The following DNAH11 variants were observed in gnomAD, a reference collection of about 807,000 sequenced individuals.
The protein encoded by DNAH11 is axonemal beta dynein heavy chain 11.
A neutral mutation model predicts 526.0 loss-of-function variants in DNAH11; 442 were observed. The observed-to-expected ratio is 0.84, with a 90% CI of 0.78 to 0.91. The LOEUF is 0.91. Among genes scored for constraint, DNAH11 ranks in the 40% least tolerant of loss-of-function variants. The pLI is 0.00. For synonymous variants in DNAH11, 2,461 were observed against 1,935.9 expected, an observed-to-expected ratio of 1.27 and a Z score of -7.12; for missense variants, 6,989 against 5,448.7, an observed-to-expected ratio of 1.28 and a Z score of -8.90.
chr7:21,720,676 C>A lies in DNAH11; in HGVS notation c.7135-49C>A, dbSNP rs915802465. Reference sequence around the variant, plus strand: ...AGTTGTAAAAATATTCTTTGAACTTCACTATTTTAAAAAAATGTTGCCTTA... The same window carrying A: ...AGTTGTAAAAATATTCTTTGAACTTAACTATTTTAAAAAAATGTTGCCTTA... On this transcript the variant is annotated intron_variant, in intron 43 of 81. Transcript: ENST00000409508. 4.6e-6 allele frequency: 7 copies of A among 1,508,746 alleles called. No individual in the cohort carries two copies. In the African/African-American group the frequency reaches 9.9e-5, roughly 21 times the overall value. The allele number at this position is 1,508,746 out of a possible 1,614,324, so 93.5% of individuals were successfully genotyped here.
rs1788247631 is a variant in DNAH11, at chr7:21,787,583, G to C, written c.9924G>C (p.Glu3308Asp). 1 of 1,605,904 alleles carries C rather than the reference G, an allele frequency of 6.2e-7. No homozygotes were observed. Among genetic ancestry groups the C allele is most frequent in the Non-Finnish European group, 8.5e-7 (1 of 1,176,116 alleles). ...AWVINIIKFY[E>D]VYCDVEPKRQ... ...TCATCAACATCATTAAATTCTATGA[G>C]GTATCAATCCTAAATTGATTGTTTA... The change falls in exon 60 of 82, where the codon GAG becomes GAC. Residue 3308 changes from glutamate to aspartate, a missense_variant and splice_region_variant. By Grantham distance (45) the Glu-to-Asp change is conservative. Coordinates refer to ENST00000409508, the MANE Select transcript of DNAH11 (RefSeq NM_001277115.2).
rs1783373676 is a variant in DNAH11, at chr7:21,559,660, G to C, written c.750G>C (p.Trp250Cys). Residue 250 changes from tryptophan (W) to cysteine (C), a missense_variant, in exon 4 of 82, where the codon TGG becomes TGC. Transcript: ENST00000409508. ...CAATTGAATCTGTGGTTATTGAATG[G>C]TCACATCAAATCCAAGAAATTATAG... Reference protein sequence around the residue: ...LHAIESVVIEWSHQIQEIIER... With the variant: ...LHAIESVVIECSHQIQEIIER... 2 of 1,611,996 alleles carry C rather than the reference G, an allele frequency of 1.2e-6. No individual in the cohort carries two copies. The highest frequency in any genetic ancestry group is 1.7e-6 in the Non-Finnish European group (2 of 1,179,160).
chr7:21,797,204 A>G (rs1460903935), intron 61 of DNAH11, among the ~76,000 whole-genome samples: 1 of 152,072 alleles, frequency 6.6e-6, no homozygotes, highest in East Asian at 1.9e-4. Context: ...TGATGATTAT[A>G]TATTTGCTTT....
Position 21,724,921 on chromosome 7 carries a change from C to A in DNAH11, c.7267-890C>A, listed in dbSNP as rs12536164. ...TCCTATGGATATAGGAGTCACTGGG[C>A]CAGATCATCCTGTGGACATGGGCAT... On this transcript the variant is annotated intron_variant, in intron 44 of 81. Transcript: ENST00000409508. Among the ~76,000 whole-genome samples, 10 of 79,082 alleles carry A rather than the reference C, an allele frequency of 1.3e-4. No individual in the cohort carries two copies. The East Asian group carries it at 1.4e-3, about 11-fold the overall frequency. The allele number at this position is 79,082 out of a possible 152,430, so 51.9% of individuals were successfully genotyped here.
intron 66 of DNAH11, among the ~76,000 whole-genome samples, chr7:21,847,257 T>G (rs977437095): frequency 6.6e-5 from 10 of 152,216 alleles, no homozygotes; most frequent in African/African-American, 1.9e-4. Context: ...TCTAATTTTC[T>G]AAGGTAAAAG....
chr7:21,673,414 A>G lies in DNAH11; in HGVS notation c.5329-8132A>G, dbSNP rs889961479. Among the ~76,000 whole-genome samples the G allele has an allele frequency of 6.6e-5, 10 of 152,190 alleles. No individual in the cohort carries two copies. In the East Asian group the frequency reaches 7.7e-4, roughly 12 times the overall value. ...TACACAGTACACATGTACCCATACA[A>G]TGCCTGTCAGTCAGTGCTTTTATTA... On this transcript the variant is annotated intron_variant, in intron 30 of 81. Coordinates refer to ENST00000409508, the MANE Select transcript of DNAH11 (RefSeq NM_001277115.2).
intron 44 of DNAH11, among the ~76,000 whole-genome samples, chr7:21,721,664 C>G (rs893625311): frequency 6.6e-6 from 1 of 152,128 alleles, no homozygotes; most frequent in Non-Finnish European, 1.5e-5. Context: ...ATCATGAGGA[C>G]CCTGTATTCA....
chr7:21,660,394 T>G (rs1482757178), intron 30 of DNAH11, among the ~76,000 whole-genome samples: 1 of 152,064 alleles, frequency 6.6e-6, no homozygotes, highest in East Asian at 1.9e-4. Flanking sequence ...CCTACTTATT[T>G]TACTCTGTTT....
intron 13 of DNAH11, 72 bp downstream of exon 13, chr7:21,591,094 A>G (rs1784659197): frequency 5.0e-6 from 7 of 1,394,870 alleles, no homozygotes; most frequent in East Asian, 2.7e-5. Flanking sequence ...TTTAATTATT[A>G]TATAGATCTA....
chr7:21,618,993 A>G (rs1583534426), intron 23 of DNAH11, 107 bp from the exon 24 acceptor site: 2 of 1,379,618 alleles, frequency 1.4e-6, no homozygotes, highest in East Asian at 4.7e-5. Flanking sequence ...TGTACTCAGC[A>G]CCTGACTTGA....
At chr7:21,581,488 C>G (rs146336817) in intron 8 of DNAH11, among the ~76,000 whole-genome samples, 1 of 152,314 alleles carries the variant, frequency 6.6e-6, no homozygotes, top group African/African-American at 2.4e-5. Flanking sequence ...AAAAACCCTT[C>G]CTATTTAAAC....
chr7:21,764,861 C>G (rs1787101212), intron 54 of DNAH11, among the ~76,000 whole-genome samples: 1 of 152,170 alleles, frequency 6.6e-6, no homozygotes, highest in South Asian at 2.1e-4. Context: ...AATGTTTAAA[C>G]TGATTTTTTT....
chr7:21,555,741 C>T (rs559466621), intron 2 of DNAH11, among the ~76,000 whole-genome samples: 4 of 152,272 alleles, frequency 2.6e-5, no homozygotes, highest in East Asian at 3.9e-4. Context: ...CCACTGCCTC[C>T]TGAATAAGTC....
intron 66 of DNAH11, among the ~76,000 whole-genome samples, chr7:21,845,017 G>C (rs1001678217): frequency 6.6e-6 from 1 of 152,158 alleles, no homozygotes; most frequent in Non-Finnish European, 1.5e-5. Flanking sequence ...AGCTGGATCA[G>C]GGACCGTGTC....
chr7:21,842,682 T>C lies in DNAH11; in HGVS notation c.10830T>C (p.Asp3610=), dbSNP rs1278172368. The change falls in exon 66 of 82, where the codon GAT becomes GAC. Residue 3610 remains aspartate (D), a synonymous_variant. Coordinates refer to ENST00000409508, the MANE Select transcript of DNAH11 (RefSeq NM_001277115.2). The part of the protein sequence containing the change: ...TTLLNFTVTE[D]GLEAQLLAEV... Reference sequence around the variant, plus strand: ...TCCTCAATTTCACAGTCACAGAAGATGGTCTAGAAGCCCAGCTGCTGGCAG... The same window carrying C: ...TCCTCAATTTCACAGTCACAGAAGACGGTCTAGAAGCCCAGCTGCTGGCAG... 6.2e-7 allele frequency: 1 copy of C among 1,613,900 alleles called. No individual in the cohort carries two copies. Among genetic ancestry groups the C allele is most frequent in the South Asian group, 1.1e-5 (1 of 91,066 alleles).
chr7:21,777,155 T>C (rs1787711701), intron 56 of DNAH11, among the ~76,000 whole-genome samples: 1 of 152,206 alleles, frequency 6.6e-6, no homozygotes, highest in Admixed American at 6.5e-5. Flanking sequence ...TCTATAGTTT[T>C]GTCATTTCAA....
At chr7:21,813,215 CAG>C (rs67012056) in intron 63 of DNAH11, among the ~76,000 whole-genome samples, 61,524 of 151,722 alleles carry the variant, frequency 0.41, 13,312 homozygotes, top group East Asian at 0.82. Flanking sequence ...GGCAGATGGA[CAG>C]AGTCATAGGC....
intron 51 of DNAH11, 72 bp from the exon 52 acceptor site, chr7:21,748,508 A>G: frequency 1.5e-6 from 2 of 1,301,838 alleles, no homozygotes; most frequent in Non-Finnish European, 2.0e-6. Context: ...TAAATAAATA[A>G]AAATAAACAG....
At chr7:21,686,985 T>C (rs1187485610) in intron 32 of DNAH11, 114 bp from the exon 33 acceptor site, 1 of 916,670 alleles carries the variant, frequency 1.1e-6, no homozygotes, top group East Asian at 2.8e-5. Flanking sequence ...ATCAGTATTT[T>C]ATGCTACTAT....
Sources: allele counts gnomAD v4.1 joint callset (sites outside exome capture counted in the v4.1 genomes callset), GRCh38; gene constraint gnomAD v4.1.1; transcripts MANE v1.5; gene names NCBI Gene and HGNC (gene_info 2026-07-23, HGNC 2026-07-21).